Variants in LRCH1 observed in about 807,000 individuals in gnomAD.
The protein encoded by LRCH1 is leucine rich repeats and calponin homology domain containing 1.
Under a neutral mutation model 94.9 loss-of-function variants are expected in LRCH1, and 23 were observed. The ratio of observed to expected loss-of-function variants is 0.24; its 90% CI spans 0.17 to 0.34. The LOEUF is 0.34. Among genes scored for constraint, LRCH1 ranks in the 10% least tolerant of loss-of-function variants. The pLI, the probability that LRCH1 is intolerant of heterozygous loss-of-function variation, is 1.00. For missense variants in LRCH1, 790 were observed against 945.9 expected, an observed-to-expected ratio of 0.84 and a Z score of 2.16; for synonymous variants, 364 against 354.9, an observed-to-expected ratio of 1.03 and a Z score of -0.29.
intron 1 of LRCH1, among the ~76,000 whole-genome samples, chr13:46,586,970 G>A (rs2050442103): frequency 6.6e-6 from 1 of 152,204 alleles, no homozygotes; most frequent in South Asian, 2.1e-4. Context: ...GTCTTAATCA[G>A]GAAAAGGAGT....
At chr13:46,750,941 C>G (rs1874103683) in exon 19 of LRCH1, 1 of 227,792 alleles carries the variant, frequency 4.4e-6, no homozygotes, top group Non-Finnish European at 8.6e-6. Flanking sequence ...TCCACACTCA[C>G]CGACTGCCAT....
intron 2 of LRCH1, among the ~76,000 whole-genome samples, chr13:46,653,000 A>C (rs750567127): frequency 5.6e-4 from 85 of 152,230 alleles, no homozygotes; most frequent in Non-Finnish European, 1.1e-3. Context: ...TGCTGTCTTC[A>C]GATGGGTAGG....
intron 1 of LRCH1, among the ~76,000 whole-genome samples, chr13:46,623,526 C>T (rs1174066861): frequency 1.3e-5 from 2 of 151,912 alleles, no homozygotes; most frequent in Non-Finnish European, 2.9e-5. Context: ...CTTGGAGGGT[C>T]GCTTTTTGGT....
At chr13:46,731,353 C>T (rs1873099538) in intron 18 of LRCH1, among the ~76,000 whole-genome samples, 1 of 152,050 alleles carries the variant, frequency 6.6e-6, no homozygotes. Context: ...GGCTCAGCCT[C>T]CTGAATAGCT....
intron 1 of LRCH1, among the ~76,000 whole-genome samples, chr13:46,579,686 A>G (rs1009795176): frequency 6.6e-6 from 1 of 151,956 alleles, no homozygotes; most frequent in Non-Finnish European, 1.5e-5. Flanking sequence ...GCTTTTCACC[A>G]CCTTGTTTGT....
In LRCH1 at chr13:46,704,271, A is replaced by G. The variant is rs543201656; in HGVS notation, c.1401-797A>G. Among the ~76,000 whole-genome samples the G allele has an allele frequency of 7.9e-5, 12 of 152,112 alleles. No individual in the cohort carries two copies. The East Asian group carries it at 2.3e-3, about 29-fold the overall frequency. ...TAGTAATAAAAAAGTTTACATACACATTTTGTTTTTTCTTTTATCTCACAT... is the reference window on the plus strand; with the variant it reads ...TAGTAATAAAAAAGTTTACATACACGTTTTGTTTTTTCTTTTATCTCACAT... On this transcript the variant is annotated intron_variant, in intron 11 of 19. Transcript: ENST00000389797.
intron 1 of LRCH1, among the ~76,000 whole-genome samples, chr13:46,583,219 G>T (rs1289559125): frequency 3.3e-5 from 5 of 152,150 alleles, no homozygotes; most frequent in Non-Finnish European, 7.4e-5. Context: ...AAAGTTTCAG[G>T]TGAAATTTGC....
intron 3 of LRCH1, among the ~76,000 whole-genome samples, chr13:46,670,046 T>G (rs951218853): frequency 6.6e-6 from 1 of 152,240 alleles, no homozygotes; most frequent in African/African-American, 2.4e-5. Flanking sequence ...TGCTGGCCTG[T>G]GAGGCCCAGA....
Position 46,701,113 on chromosome 13 carries a change from C to T in LRCH1, c.1314-8C>T, listed in dbSNP as rs755721028. ...GTTTTCATTCTTATGCTTGGTTTCA[C>T]GTTACAGAATAAGTTCATCCAAAGA... On this transcript the variant is annotated splice_region_variant and splice_polypyrimidine_tract_variant and intron_variant, in intron 10 of 19. Coordinates refer to ENST00000389797, the MANE Select transcript of LRCH1 (RefSeq NM_001164211.2). The T allele has an allele frequency of 1.6e-5, 26 of 1,581,190 alleles. No individual in the cohort carries two copies. The highest frequency in any genetic ancestry group is 2.2e-5 in the South Asian group (2 of 89,488).
chr13:46,744,549 A>C lies in LRCH1; in HGVS notation c.*2701A>C. On this transcript the variant is annotated 3_prime_UTR_variant, in exon 20 of 20. Coordinates refer to ENST00000389797, the MANE Select transcript of LRCH1 (RefSeq NM_001164211.2). ...TGGTGGAAAGGGGCCCCGCAGAACT[A>C]CAATGTATGATAATCGAGTATAAAT... is the stretch of plus-strand genomic sequence containing the variant. 1.0e-6 allele frequency: 1 copy of C among 985,428 alleles called. No individual in the cohort carries two copies. Among genetic ancestry groups the C allele is most frequent in the Non-Finnish European group, 1.2e-6 (1 of 829,934 alleles). 61.0% of individuals were successfully genotyped at this position (985,428 alleles called of 1,614,324 possible). A position where few individuals can be genotyped will look rare whatever the true frequency, so the allele number is the denominator to read the frequency against.
chr13:46,706,130 A>G (rs1452321226), intron 13 of LRCH1, among the ~76,000 whole-genome samples: 2 of 152,230 alleles, frequency 1.3e-5, no homozygotes, highest in East Asian at 1.9e-4. Flanking sequence ...GTATTAATGT[A>G]AAAGGGAAAG....
At chr13:46,705,216 T>C in intron 12 of LRCH1, 52 bp from the exon 13 acceptor site, 1 of 1,591,886 alleles carries the variant, frequency 6.3e-7, no homozygotes, top group African/African-American at 1.4e-5. Context: ...TTGACATTTC[T>C]ATGCTTTAAA....
At chr13:46,648,990 AAG>A (rs1189489918) in intron 1 of LRCH1, among the ~76,000 whole-genome samples, 4 of 152,198 alleles carry the variant, frequency 2.6e-5, no homozygotes, top group Non-Finnish European at 5.9e-5. Flanking sequence ...ACCCATAAAA[AAG>A]GACGATTTTA....
chr13:46,703,340 G>A (rs529629201), intron 11 of LRCH1, among the ~76,000 whole-genome samples: 3 of 152,224 alleles, frequency 2.0e-5, no homozygotes, highest in Admixed American at 6.5e-5. Flanking sequence ...TAAGTTGTAT[G>A]ACTTCTCTGC....
chr13:46,623,379 A>G (rs1236612059), intron 1 of LRCH1, among the ~76,000 whole-genome samples: 1 of 152,186 alleles, frequency 6.6e-6, no homozygotes, highest in Non-Finnish European at 1.5e-5. Flanking sequence ...GAGAAAGTAA[A>G]TATTTTGCAG....
At chr13:46,578,933 G>C (rs1437204807) in intron 1 of LRCH1, among the ~76,000 whole-genome samples, 1 of 152,034 alleles carries the variant, frequency 6.6e-6, no homozygotes, top group Non-Finnish European at 1.5e-5. Context: ...TTGTTCACTG[G>C]TACAGCCAGA....
intron 18 of LRCH1, among the ~76,000 whole-genome samples, chr13:46,731,966 C>T (rs1422530478): frequency 6.6e-6 from 1 of 152,228 alleles, no homozygotes; most frequent in African/African-American, 2.4e-5. Flanking sequence ...TAAGAACTAT[C>T]CTGTATTATA....
At chr13:46,644,034 A>G (rs544169051) in intron 1 of LRCH1, among the ~76,000 whole-genome samples, 186 of 152,314 alleles carry the variant, frequency 1.2e-3, no homozygotes, top group African/African-American at 4.0e-3. Context: ...TCCTGATAAT[A>G]AAGCTGTTCT....
chr13:46,667,652 T>C (rs1056627086), intron 2 of LRCH1, among the ~76,000 whole-genome samples: 4 of 151,886 alleles, frequency 2.6e-5, no homozygotes, highest in Non-Finnish European at 5.9e-5. Context: ...GTTGTGCACA[T>C]GTACCCTAGA....
Sources: allele counts gnomAD v4.1 joint callset (sites outside exome capture counted in the v4.1 genomes callset), GRCh38; gene constraint gnomAD v4.1.1; transcripts MANE v1.5; gene names NCBI Gene and HGNC (gene_info 2026-07-23, HGNC 2026-07-21).